NUP50: variants seen among roughly 807,000 people sequenced by gnomAD.
The protein encoded by NUP50 is nuclear pore complex protein Nup50.
In NUP50, 14 loss-of-function variants were observed where a neutral mutation model predicts 36.8. The ratio of observed to expected loss-of-function variants is 0.38; its 90% CI spans 0.25 to 0.59. The LOEUF (loss-of-function observed/expected upper bound fraction) is 0.59. NUP50 is among the 20% of genes least tolerant of loss of function. NUP50 has a pLI of 0.63. For synonymous variants in NUP50, 195 were observed against 210.8 expected (o/e 0.93, Z 0.65); for missense variants, 455 against 564.6 (o/e 0.81, Z 1.97).
At chr22:45,180,658 G>A (rs773044489) in intron 5 of NUP50, among the ~76,000 whole-genome samples, 1 of 152,166 alleles carries the variant, frequency 6.6e-6, no homozygotes, top group Non-Finnish European at 1.5e-5. Context: ...GATTACAGGC[G>A]TGAGCCACTG....
At position 45,178,281 on chromosome 22, in the gene NUP50, T is replaced by C; in HGVS notation, c.384T>C (p.Val128=). Residue 128 remains valine (V), a synonymous_variant, in exon 5 of 8, where the codon GTT becomes GTC. Coordinates refer to ENST00000347635, the MANE Select transcript of NUP50 (RefSeq NM_007172.4). ...GCCCTACCACCTTGGTTGATAAAGTTTCAAATCCCAAAACTAATGGGGACA... is the reference window on the plus strand; with the variant it reads ...GCCCTACCACCTTGGTTGATAAAGTCTCAAATCCCAAAACTAATGGGGACA... ...ANGPTTLVDK[V]SNPKTNGDSQ... 6.2e-7 allele frequency: 1 copy of C among 1,613,992 alleles called. No homozygotes were observed. Among genetic ancestry groups the C allele is most frequent in the Non-Finnish European group, 8.5e-7 (1 of 1,179,866 alleles).
intron 3 of NUP50, 118 bp downstream of exon 3, chr22:45,171,801 T>C: frequency 4.9e-6 from 4 of 816,372 alleles, no homozygotes; most frequent in Non-Finnish European, 8.1e-6. Flanking sequence ...ACTTATTCTT[T>C]GATGTAGGTC....
At chr22:45,173,341 T>G (rs2074227134) in intron 3 of NUP50, among the ~76,000 whole-genome samples, 1 of 97,956 alleles carries the variant, frequency 1.0e-5, no homozygotes, top group Non-Finnish European at 2.0e-5. Flanking sequence ...TTCAGGTGTT[T>G]TTTTTTTTTT....
intron 2 of NUP50, 111 bp downstream of exon 2, chr22:45,168,357 TCA>T (rs2074128051): frequency 1.4e-6 from 1 of 723,508 alleles, no homozygotes. Context: ...TCTAAGAACA[TCA>T]TGAATGGGAG....
rs1426044695 is a variant in NUP50 at position 45,164,037 on chromosome 22, G to T, written c.-270G>T. ...AATGGCCGCCCGGAGCGTGTTCGGC[G>T]CGGTTCCCCCAGCTGTCTCTGGCTG... On this transcript the variant is annotated 5_prime_UTR_variant, in exon 1 of 8. Transcript: ENST00000347635. 3 of 152,222 alleles carry T rather than the reference G, an allele frequency of 2.0e-5. No individual in the cohort carries two copies. Among genetic ancestry groups the T allele is most frequent in the African/African-American group, 7.2e-5 (3 of 41,448 alleles). 9.4% of individuals were successfully genotyped at this position (152,222 alleles called of 1,614,324 possible).
chr22:45,173,310 T>C (rs941713007), intron 3 of NUP50, among the ~76,000 whole-genome samples: 3 of 152,134 alleles, frequency 2.0e-5, no homozygotes, highest in African/African-American at 7.2e-5. Context: ...ACCTGCCTGT[T>C]GTACAGTAAA....
chr22:45,171,672 GTTGGAT>G lies in NUP50; in HGVS notation c.146_151del (p.Gly49_Phe50del), dbSNP rs1266993008. 1 of 1,614,008 alleles carries G rather than the reference GTTGGAT, an allele frequency of 6.2e-7. No homozygotes were observed. Among genetic ancestry groups the G allele is most frequent in the African/African-American group, 1.3e-5 (1 of 74,944 alleles). On this transcript the variant is annotated inframe_deletion, in exon 3 of 8. Coordinates refer to ENST00000347635, the MANE Select transcript of NUP50 (RefSeq NM_007172.4). Reference sequence around the variant, plus strand: ...CATAAAGAAAGCAAAGCGCAGAAATGTTGGATTTGAAGTGAGTGCCCCCTTACAGCT... The same window carrying G: ...CATAAAGAAAGCAAAGCGCAGAAATGTTGAAGTGAGTGCCCCCTTACAGCT...
Position 45,184,778 on chromosome 22 carries a change from G to T in NUP50, c.*123G>T. On this transcript the variant is annotated 3_prime_UTR_variant, in exon 8 of 8. Transcript: ENST00000347635. Reference sequence around the variant, plus strand: ...AACTTATAGATAACTTAAAACTTTTGTGAGGAAGATTAATGTGGCCAATAA... The same window carrying T: ...AACTTATAGATAACTTAAAACTTTTTTGAGGAAGATTAATGTGGCCAATAA... 1.4e-6 allele frequency: 1 copy of T among 710,554 alleles called. No homozygotes were observed. The highest frequency in any genetic ancestry group is 2.4e-6 in the Non-Finnish European group (1 of 416,200). 44.0% of individuals were successfully genotyped at this position (710,554 alleles called of 1,614,324 possible).
intron 1 of NUP50, among the ~76,000 whole-genome samples, chr22:45,166,916 C>G (rs2074103703): frequency 6.6e-6 from 1 of 151,994 alleles, no homozygotes; most frequent in African/African-American, 2.4e-5. Flanking sequence ...CATAAACTTA[C>G]AAAATTTAAA....
chr22:45,179,028 TCAGA>T, intron 5 of NUP50, 128 bp downstream of exon 5: 1 of 862,116 alleles, frequency 1.2e-6, no homozygotes, highest in South Asian at 1.9e-5. Context: ...ATGTGTGATC[TCAGA>T]CAGAGCTAAT....
chr22:45,167,358 TTATGA>T (rs1353004070), intron 1 of NUP50, among the ~76,000 whole-genome samples: 1 of 152,210 alleles, frequency 6.6e-6, no homozygotes, highest in African/African-American at 2.4e-5. Flanking sequence ...TGTTTTGTTG[TTATGA>T]TATTAAGATC....
At chr22:45,166,052 G>A (rs1432939363) in intron 1 of NUP50, 1 of 152,152 alleles carries the variant, frequency 6.6e-6, no homozygotes, top group Non-Finnish European at 1.5e-5. Context: ...GGGCACTGTT[G>A]GGGCATTTGG....
intron 5 of NUP50, among the ~76,000 whole-genome samples, chr22:45,180,525 C>T (rs775554327): frequency 2.0e-5 from 3 of 152,198 alleles, no homozygotes; most frequent in South Asian, 2.1e-4. Flanking sequence ...AGGCACGTAC[C>T]GCCACACCTG....
Position 45,186,154 on chromosome 22 carries a change from A to G in NUP50, c.*1499A>G, listed in dbSNP as rs2074467816. On this transcript the variant is annotated 3_prime_UTR_variant, in exon 8 of 8. Transcript: ENST00000347635. ...GGCATGAGGTTCTTGCTCTACTTCC[A>G]GTGTTTTGATTCCACTGGGAGAATT... The G allele has an allele frequency of 6.6e-6, 1 of 152,222 alleles. No individual in the cohort carries two copies. Among genetic ancestry groups the G allele is most frequent in the Non-Finnish European group, 1.5e-5 (1 of 68,042 alleles). The allele number at this position is 152,222 out of a possible 1,614,324, so 9.4% of individuals were successfully genotyped here.
At chr22:45,175,068 C>A (rs1340167950) in intron 3 of NUP50, among the ~76,000 whole-genome samples, 2 of 151,846 alleles carry the variant, frequency 1.3e-5, no homozygotes, top group African/African-American at 4.8e-5. Flanking sequence ...AGATCACTTC[C>A]TATAATGTAA....
At chr22:45,171,479 G>T in intron 2 of NUP50, 121 bp from the exon 3 acceptor site, 1 of 974,394 alleles carries the variant, frequency 1.0e-6, no homozygotes, top group East Asian at 2.6e-5. Context: ...ATTGTGCCTG[G>T]CCAAAATTTA....
intron 5 of NUP50, chr22:45,179,171 A>C: frequency 2.9e-6 from 1 of 340,478 alleles, no homozygotes; most frequent in Non-Finnish European, 5.3e-6. Flanking sequence ...CACATGGTTT[A>C]GCATATAAAA....
In NUP50 at chr22:45,184,658, A is replaced by C; in HGVS notation, c.*3A>C. ...TACTGGAGAAAAAGGATGCCTGAAC[A>C]CGCAAAGTCGGCTGCAGAATTATTG... On this transcript the variant is annotated 3_prime_UTR_variant, in exon 8 of 8. Coordinates refer to ENST00000347635, the MANE Select transcript of NUP50 (RefSeq NM_007172.4). 6.2e-7 allele frequency: 1 copy of C among 1,610,454 alleles called. No homozygotes were observed. Among genetic ancestry groups the C allele is most frequent in the Non-Finnish European group, 8.5e-7 (1 of 1,178,426 alleles).
intron 4 of NUP50, among the ~76,000 whole-genome samples, chr22:45,176,651 T>C (rs1426453454): frequency 2.0e-5 from 3 of 152,188 alleles, no homozygotes; most frequent in African/African-American, 7.2e-5. Flanking sequence ...GGGTTGTATT[T>C]AGCTGATTAT....
Sources: gnomAD v4.1 joint callset for allele counts (sites outside exome capture counted in the v4.1 genomes callset) on GRCh38, gnomAD v4.1.1 for gene constraint, MANE v1.5 for transcripts, NCBI Gene and HGNC (gene_info 2026-07-23, HGNC 2026-07-21) for gene names.